CSGALNACT1: variants seen among roughly 807,000 people sequenced by gnomAD.
CSGALNACT1 encodes chondroitin sulfate N-acetylgalactosaminyltransferase 1.
Under a neutral mutation model 51.0 loss-of-function variants are expected in CSGALNACT1, and 52 were observed. The ratio of observed to expected loss-of-function variants is 1.02; its 90% CI spans 0.82 to 1.29. The LOEUF (loss-of-function observed/expected upper bound fraction) is 1.29, where lower values mean the gene tolerates loss of function less well. Among genes scored for constraint, CSGALNACT1 ranks in the 50% most tolerant of loss-of-function variants. The pLI, the probability that CSGALNACT1 is intolerant of heterozygous loss-of-function variation, is 0.00. For missense variants in CSGALNACT1, 935 were observed against 679.2 expected (o/e 1.38, Z -4.19); for synonymous variants, 341 against 254.4 (o/e 1.34, Z -3.24).
intron 1 of CSGALNACT1, among the ~76,000 whole-genome samples, chr8:19,667,012 AAAGAAAGGAAGGAAGGAAGG>A (rs2059379870): frequency 2.9e-5 from 1 of 34,396 alleles, no homozygotes; most frequent in Admixed American, 3.0e-4. Flanking sequence ...AGAAAGAAAG[AAAGAAAGGAAGGAAGGAAGG>A]AAGGAAGGAA....
intron 3 of CSGALNACT1, among the ~76,000 whole-genome samples, chr8:19,573,186 A>G (rs900136169): frequency 1.3e-5 from 2 of 152,218 alleles, no homozygotes; most frequent in Non-Finnish European, 2.9e-5. Context: ...TCCTCTCCTC[A>G]TCCAGCTGTA....
At chr8:19,732,684 G>C (rs1014630044) in intron 1 of CSGALNACT1, 3 of 152,196 alleles carry the variant, frequency 2.0e-5, no homozygotes, top group Non-Finnish European at 1.5e-5. Flanking sequence ...AGACACTTTA[G>C]GCAATAGATC....
intron 1 of CSGALNACT1, among the ~76,000 whole-genome samples, chr8:19,690,860 C>G (rs1240393957): frequency 2.0e-5 from 3 of 151,706 alleles, no homozygotes; most frequent in Non-Finnish European, 4.4e-5. Flanking sequence ...CAGGGATAAG[C>G]AAAAGATTTC....
chr8:19,712,670 G>T (rs1041597864), intron 1 of CSGALNACT1, among the ~76,000 whole-genome samples: 1 of 152,132 alleles, frequency 6.6e-6, no homozygotes, highest in East Asian at 1.9e-4. Flanking sequence ...CAACCACTGC[G>T]TTTCTTAAAA....
At chr8:19,732,169 C>A (rs2063728451) in intron 1 of CSGALNACT1, among the ~76,000 whole-genome samples, 2 of 152,196 alleles carry the variant, frequency 1.3e-5, no homozygotes, top group Non-Finnish European at 1.5e-5. Context: ...CTTAAAACGG[C>A]ACGTTATCAA....
intron 3 of CSGALNACT1, among the ~76,000 whole-genome samples, chr8:19,543,372 CTTGACAATGTCT>C: frequency 6.6e-6 from 1 of 152,308 alleles, no homozygotes; most frequent in Admixed American, 6.5e-5. Context: ...AAGATCCGCC[CTTGACAATGTCT>C]GGGAACGGGG....
chr8:19,472,664 G>A (rs1035781419), intron 4 of CSGALNACT1, among the ~76,000 whole-genome samples: 8 of 152,184 alleles, frequency 5.3e-5, no homozygotes, highest in Admixed American at 2.6e-4. Flanking sequence ...GCAATCAAAA[G>A]GATGTTTTAA....
Position 19,548,949 on chromosome 8 carries a change from G to C in CSGALNACT1, c.-297+42211C>G, listed in dbSNP as rs28427117. 6.0e-3 allele frequency among the ~76,000 whole-genome samples: 907 copies of C among 152,216 alleles called. 9 individuals carry two copies. Among genetic ancestry groups the C allele is most frequent in the African/African-American group, 0.021 (858 of 41,508 alleles). On this transcript the variant is annotated intron_variant, in intron 3 of 9. Transcript: ENST00000454498. ...TCCTCCTGCCTCAGCCTCCCAAGTA[G>C]CTGAGACTACAGGTGCATGCCACCA...
chr8:19,664,056 C>G (rs1015153206), intron 1 of CSGALNACT1, among the ~76,000 whole-genome samples: 1 of 152,230 alleles, frequency 6.6e-6, no homozygotes, highest in Non-Finnish European at 1.5e-5. Flanking sequence ...CCAGGAAACC[C>G]TCCACACCCT....
intron 1 of CSGALNACT1, among the ~76,000 whole-genome samples, chr8:19,711,484 C>T (rs547722764): frequency 3.0e-4 from 45 of 152,218 alleles, no homozygotes; most frequent in African/African-American, 1.1e-3. Flanking sequence ...AACAGCGTGG[C>T]GTCTATTTAA....
At chr8:19,405,947 C>T (rs372986958) in exon 10 of CSGALNACT1, 1 of 1,614,072 alleles carries the variant, frequency 6.2e-7, no homozygotes, top group African/African-American at 1.3e-5. Flanking sequence ...CAGCGCTTCT[C>T]ATGCCAGAGG....
rs138591536 is a variant in CSGALNACT1 at position 19,698,463 on chromosome 8, T to C, written c.-297+59387A>G. On this transcript the variant is annotated intron_variant, in intron 1 of 1. Coordinates refer to the CSGALNACT1 transcript ENST00000517494. ...CTATCTCATTAATACCCATAACAATTGTTTTTTACAGACATTTACATTGTA... is the reference window on the plus strand; with the variant it reads ...CTATCTCATTAATACCCATAACAATCGTTTTTTACAGACATTTACATTGTA... Among the ~76,000 whole-genome samples the C allele has an allele frequency of 3.6e-3, 547 of 152,310 alleles. 4 individuals carry two copies. The highest frequency in any genetic ancestry group is 0.013 in the African/African-American group (532 of 41,558).
intron 3 of CSGALNACT1, among the ~76,000 whole-genome samples, chr8:19,553,630 TATATATATAA>T (rs2088840302): frequency 7.1e-6 from 1 of 140,286 alleles, no homozygotes; most frequent in South Asian, 2.2e-4. Flanking sequence ...CATATATATA[TATATATATAA>T]AAAAATATGT....
chr8:19,516,321 C>G (rs1215954937), intron 3 of CSGALNACT1, among the ~76,000 whole-genome samples: 2 of 152,148 alleles, frequency 1.3e-5, no homozygotes, highest in African/African-American at 4.8e-5. Flanking sequence ...CAGAGCCCAG[C>G]TTCAAACCCA....
chr8:19,525,215 A>T (rs1013230088), intron 3 of CSGALNACT1, among the ~76,000 whole-genome samples: 13 of 152,182 alleles, frequency 8.5e-5, no homozygotes, highest in African/African-American at 3.1e-4. Flanking sequence ...AATTTTCTTT[A>T]AACAAACGTG....
At chr8:19,678,281 G>A (rs549050982) in intron 1 of CSGALNACT1, among the ~76,000 whole-genome samples, 3 of 152,292 alleles carry the variant, frequency 2.0e-5, no homozygotes, top group East Asian at 3.9e-4. Context: ...TCTCTGCATA[G>A]AGGGCTCTTT....
upstream of CSGALNACT1, among the ~76,000 whole-genome samples, chr8:19,606,225 T>C (rs1246523536): frequency 6.6e-6 from 1 of 152,222 alleles, no homozygotes; most frequent in Non-Finnish European, 1.5e-5. Flanking sequence ...CCCAGTGAGA[T>C]CTTCTTTGTG....
chr8:19,615,905 TGAA>T (rs1156856392), intron 1 of CSGALNACT1, among the ~76,000 whole-genome samples: 3 of 152,234 alleles, frequency 2.0e-5, no homozygotes, highest in African/African-American at 7.2e-5. Flanking sequence ...TTCATTTGTA[TGAA>T]GAAGTCTTAA....
intron 1 of CSGALNACT1, among the ~76,000 whole-genome samples, chr8:19,660,173 G>A (rs115300487): frequency 4.9e-4 from 74 of 152,252 alleles, no homozygotes; most frequent in East Asian, 1.7e-3. Flanking sequence ...TACCCACATC[G>A]ATACAGGGCA....
Sources: allele counts gnomAD v4.1 joint callset (sites outside exome capture counted in the v4.1 genomes callset), GRCh38; gene constraint gnomAD v4.1.1; transcripts MANE v1.5; gene names NCBI Gene and HGNC (gene_info 2026-07-23, HGNC 2026-07-21).